The following FAM135B variants were observed in gnomAD, a reference collection of about 807,000 sequenced individuals.
The protein encoded by FAM135B is protein FAM135B.
Under a neutral mutation model 127.7 loss-of-function variants are expected in FAM135B, and 43 were observed. The ratio of observed to expected loss-of-function variants is 0.34; its 90% CI spans 0.26 to 0.43. FAM135B has a LOEUF of 0.43. FAM135B is among the 20% of genes least tolerant of loss of function. The probability of loss-of-function intolerance (pLI) is 1.00; values close to 1 mark genes in which losing one functional copy is unlikely to be tolerated. For missense variants in FAM135B, 1,558 were observed against 1,725.6 expected (o/e 0.90, Z 1.72); for synonymous variants, 670 against 665.1 (o/e 1.01, Z -0.11).
intron 1 of FAM135B, among the ~76,000 whole-genome samples, chr8:138,394,195 G>C (rs530525760): frequency 1.3e-5 from 2 of 152,258 alleles, no homozygotes; most frequent in African/African-American, 4.8e-5. Context: ...AATGAATTTA[G>C]ACATTTTTCA....
rs1225115723 is a variant in FAM135B, at chr8:138,242,581, T to C, written c.669+361A>G. 6.6e-6 allele frequency among the ~76,000 whole-genome samples: 1 copy of C among 152,136 alleles called. No individual in the cohort carries two copies. Among genetic ancestry groups the C allele is most frequent in the Non-Finnish European group, 1.5e-5 (1 of 68,022 alleles). ...AACTGATGTTCAGAGAGTGCACAAA[T>C]GAAAGCGGGAGCCAGGTTTTGAAAC... On this transcript the variant is annotated intron_variant, in intron 7 of 19. Coordinates refer to ENST00000395297, the MANE Select transcript of FAM135B (RefSeq NM_015912.4). This position sits in a 1 kb window ranked among gnomAD's most constrained non-coding sequence, Gnocchi z 9.6.
chr8:138,270,388 C>T (rs1330693459), intron 3 of FAM135B, among the ~76,000 whole-genome samples: 1 of 152,172 alleles, frequency 6.6e-6, no homozygotes, highest in Non-Finnish European at 1.5e-5. Context: ...CCCAGAATGA[C>T]AACTCTGGAT....
At chr8:138,392,794 T>C (rs1309672611) in intron 1 of FAM135B, among the ~76,000 whole-genome samples, 1 of 152,130 alleles carries the variant, frequency 6.6e-6, no homozygotes, top group Non-Finnish European at 1.5e-5. Flanking sequence ...ACTCAGGGGC[T>C]TCTCTTCCTC....
intron 3 of FAM135B, among the ~76,000 whole-genome samples, chr8:138,300,078 G>C (rs140280890): frequency 0.018 from 2,722 of 151,956 alleles, 79 homozygotes; most frequent in African/African-American, 0.06. Context: ...AGTGATTCTT[G>C]TGCTTCAGCC....
intron 7 of FAM135B, among the ~76,000 whole-genome samples, chr8:138,202,746 A>T (rs886825470): frequency 2.0e-5 from 3 of 151,338 alleles, no homozygotes; most frequent in African/African-American, 7.3e-5. Context: ...GTCAGTGCAC[A>T]CTAAGAGGAA....
chr8:138,315,015 G>C (rs192452560), intron 2 of FAM135B, among the ~76,000 whole-genome samples: 2 of 151,268 alleles, frequency 1.3e-5, no homozygotes, highest in East Asian at 1.9e-4. Flanking sequence ...AAATGAACAA[G>C]GTAAAATGGC....
chr8:138,344,358 G>A lies in FAM135B; in HGVS notation c.77+23549C>T, dbSNP rs141826191. Among the ~76,000 whole-genome samples the A allele has an allele frequency of 1.3e-3, 204 of 152,186 alleles. 1 individual carries two copies. Among genetic ancestry groups the A allele is most frequent in the South Asian group, 0.012 (58 of 4,816 alleles). ...GCCCATCGTAACCCGGCGCCAGCTC[G>A]CCTCTCCAGCAGCCATGGTGGCCTC... On this transcript the variant is annotated intron_variant, in intron 2 of 19. Coordinates refer to ENST00000395297, the MANE Select transcript of FAM135B (RefSeq NM_015912.4).
chr8:138,392,114 C>T (rs772879699), intron 1 of FAM135B, among the ~76,000 whole-genome samples: 6 of 152,242 alleles, frequency 3.9e-5, no homozygotes, highest in Non-Finnish European at 1.5e-5. Flanking sequence ...GAATGTCACA[C>T]ATTCAGATAA....
At chr8:138,365,228 G>C (rs1454562745) in intron 2 of FAM135B, among the ~76,000 whole-genome samples, 1 of 152,126 alleles carries the variant, frequency 6.6e-6, no homozygotes, top group Admixed American at 6.6e-5. Context: ...TTCAATATGA[G>C]ACTTTAGTGG....
chr8:138,310,411 G>A (rs1427496002), intron 3 of FAM135B, among the ~76,000 whole-genome samples: 1 of 152,040 alleles, frequency 6.6e-6, no homozygotes, highest in Non-Finnish European at 1.5e-5. Context: ...TCCTCAAGCT[G>A]GGAGCACTGC....
intron 7 of FAM135B, among the ~76,000 whole-genome samples, chr8:138,218,513 G>A (rs1488257372): frequency 2.0e-5 from 3 of 152,110 alleles, no homozygotes; most frequent in Non-Finnish European, 4.4e-5. Flanking sequence ...AAAGATTCCT[G>A]GCGTCTCAGA....
intron 1 of FAM135B, among the ~76,000 whole-genome samples, chr8:138,405,211 TTC>T (rs1290881156): frequency 3.4e-5 from 5 of 147,794 alleles, no homozygotes. Context: ...TTCTTTTTTT[TTC>T]TTTTTTTTTT....
In FAM135B at chr8:138,214,665, G is replaced by A. The variant is rs1356852641; in HGVS notation, c.670-16996C>T. Among the ~76,000 whole-genome samples the A allele has an allele frequency of 2.6e-5, 4 of 152,134 alleles. No homozygotes were observed. The East Asian group carries it at 7.7e-4, about 29-fold the overall frequency. ...TAGTTAGCCAGATGGACACATAGGT[G>A]AAAATTCCAGGCACCTAGATAAGGA... On this transcript the variant is annotated intron_variant, in intron 7 of 19. Transcript: ENST00000395297.
intron 17 of FAM135B, among the ~76,000 whole-genome samples, chr8:138,139,848 A>G (rs7828715): frequency 0.58 from 87,553 of 152,086 alleles, 26,035 homozygotes; most frequent in Non-Finnish European, 0.64. Flanking sequence ...TAAGGATTAC[A>G]TAACCACAAC....
chr8:138,180,087 G>T (rs984793178), intron 9 of FAM135B, among the ~76,000 whole-genome samples: 11 of 152,204 alleles, frequency 7.2e-5, no homozygotes, highest in Non-Finnish European at 1.0e-4. Context: ...AAATGCTTTA[G>T]ATAGCTACAG....
intron 7 of FAM135B, among the ~76,000 whole-genome samples, chr8:138,199,198 T>C (rs1219394358): frequency 6.6e-6 from 1 of 152,196 alleles, no homozygotes; most frequent in Non-Finnish European, 1.5e-5. Context: ...GGGTGTTGTA[T>C]AGGCAGATAA....
intron 6 of FAM135B, among the ~76,000 whole-genome samples, chr8:138,244,377 G>C (rs1033846813): frequency 1.4e-5 from 2 of 146,348 alleles, no homozygotes; most frequent in African/African-American, 5.1e-5. Context: ...GCCTCTCAGG[G>C]TTCAACTCCC....
At chr8:138,367,533 G>A (rs1353634151) in intron 2 of FAM135B, 2 of 444,370 alleles carry the variant, frequency 4.5e-6, no homozygotes, top group South Asian at 1.8e-5. Flanking sequence ...GTAATGGCCT[G>A]CATCAGCATC....
At chr8:138,196,490 A>G (rs1201256213) in intron 8 of FAM135B, among the ~76,000 whole-genome samples, 1 of 152,172 alleles carries the variant, frequency 6.6e-6, no homozygotes, top group Admixed American at 6.5e-5. Context: ...TCTGAGGGGA[A>G]TCAGCTCTTA....
Sources: allele counts gnomAD v4.1 joint callset (sites outside exome capture counted in the v4.1 genomes callset), GRCh38; gene constraint gnomAD v4.1.1; non-coding constraint Gnocchi (gnomAD v3.1); transcripts MANE v1.5; gene names NCBI Gene and HGNC (gene_info 2026-07-23, HGNC 2026-07-21).